Variants in APOL1 observed in about 807,000 individuals in gnomAD.
APOL1 encodes apolipoprotein L 1.
A neutral mutation model predicts 14.9 loss-of-function variants in APOL1; 17 were observed. The observed-to-expected ratio is 1.14, with a 90% CI of 0.78 to 1.71. The LOEUF (loss-of-function observed/expected upper bound fraction) is 1.71. Among genes scored for constraint, APOL1 ranks in the 40% most tolerant of loss-of-function variants. The pLI, the probability that APOL1 is intolerant of heterozygous loss-of-function variation, is 0.00. For missense variants in APOL1, 523 were observed against 485.9 expected (o/e 1.08, Z -0.72); for synonymous variants, 195 against 184.8 (o/e 1.05, Z -0.45).
At chr22:36,255,122 G>T in intron 2 of APOL1, 123 bp downstream of exon 2, 1 of 1,202,860 alleles carries the variant, frequency 8.3e-7, no homozygotes, top group Non-Finnish European at 1.2e-6. Flanking sequence ...GTCACTTCCC[G>T]GAATTGACCA....
At position 36,257,366 on chromosome 22, in the gene APOL1, G is replaced by GT. The variant is rs769895792; in HGVS notation, c.147dup (p.Lys50Ter). On this transcript the variant is annotated frameshift_variant, in exon 4 of 6. Transcript: ENST00000397278. LOFTEE classifies it high-confidence loss of function. ...GGGACAGATACTGGAGATCCTCAAA[G>GT]TAAGCCCCTCGGTGACTGGGCTGCT... 3.7e-6 allele frequency: 6 copies of GT among 1,614,212 alleles called. No homozygotes were observed. The African/African-American group carries it at 8.0e-5, about 22-fold the overall frequency.
intron 4 of APOL1, among the ~76,000 whole-genome samples, 159 bp from the exon 5 acceptor site, chr22:36,261,437 T>C (rs1232243380): frequency 6.6e-6 from 1 of 152,144 alleles, no homozygotes; most frequent in African/African-American, 2.4e-5. Flanking sequence ...CATATGAATT[T>C]TGGGGGCACA....
intron 2 of APOL1, 38 bp from the exon 3 acceptor site, chr22:36,257,045 G>A: frequency 6.2e-7 from 1 of 1,610,702 alleles, no homozygotes; most frequent in Non-Finnish European, 8.5e-7. Context: ...TCAGATGGCT[G>A]CCCGTCCTCT....
At chr22:36,254,904 C>A (rs746798061) in intron 1 of APOL1, 33 bp from the exon 2 acceptor site, 3 of 1,612,968 alleles carry the variant, frequency 1.9e-6, no homozygotes, top group South Asian at 1.1e-5. Flanking sequence ...TCAGGAGGAG[C>A]ACACTGTCTC....
Position 36,265,486 on chromosome 22 carries a change from C to G in APOL1, c.650C>G (p.Thr217Arg). ...LLEPGMELGITAALTGITSST... is the reference protein window; with the variant it reads ...LLEPGMELGIRAALTGITSST... ...GAACCTGGGATGGAGTTGGGAATCA[C>G]AGCCGCTTTGACCGGGATTACCAGC... The change falls in exon 6 of 6, where the codon ACA (threonine) becomes AGA (arginine). Residue 217 changes from threonine (T) to arginine (R), a missense_variant. Thr to Arg is a moderately conservative substitution (Grantham distance 71). Coordinates refer to ENST00000397278, the MANE Select transcript of APOL1 (RefSeq NM_003661.4). The G allele has an allele frequency of 1.9e-6, 3 of 1,614,086 alleles. No homozygotes were observed. Among genetic ancestry groups the G allele is most frequent in the Non-Finnish European group, 2.5e-6 (3 of 1,179,990 alleles).
chr22:36,259,828 A>T, intron 4 of APOL1: 2 of 1,304,304 alleles, frequency 1.5e-6, no homozygotes, highest in Non-Finnish European at 2.0e-6. Flanking sequence ...AGAGTGCCCA[A>T]GACCAGCAGG....
At chr22:36,257,207 G>A (rs2015911818) in intron 3 of APOL1, 71 bp downstream of exon 3, 2 of 1,610,090 alleles carry the variant, frequency 1.2e-6, no homozygotes, top group Middle Eastern at 1.7e-4. Flanking sequence ...GTTGGTCTTG[G>A]TGTTTGCTTC....
chr22:36,260,018 T>C, intron 4 of APOL1: 2 of 1,031,788 alleles, frequency 1.9e-6, no homozygotes, highest in Non-Finnish European at 2.5e-6. Flanking sequence ...AACATTGGCC[T>C]TGGAGTCAAA....
chr22:36,266,737 C>A lies in APOL1; in HGVS notation c.*704C>A, dbSNP rs1320867699. On this transcript the variant is annotated 3_prime_UTR_variant, in exon 6 of 6. Transcript: ENST00000397278. ...TGGCTAACACAGTGAAACCCCGTCT[C>A]TACTAAAAATACAAAAAATTAGCCG... The A allele has an allele frequency of 3.0e-6, 1 of 334,028 alleles. No individual in the cohort carries two copies. The highest frequency in any genetic ancestry group is 1.5e-4 in the South Asian group (1 of 6,460). The allele number at this position is 334,028 out of a possible 1,614,324, so 20.7% of individuals were successfully genotyped here.
intron 2 of APOL1, among the ~76,000 whole-genome samples, chr22:36,255,555 C>T (rs539340951): frequency 7.4e-5 from 11 of 149,450 alleles, no homozygotes; most frequent in African/African-American, 2.8e-4. Context: ...ACCCTTGCTG[C>T]ATGGAGTCCC....
intron 2 of APOL1, among the ~76,000 whole-genome samples, chr22:36,255,664 C>T (rs1397000431): frequency 6.7e-6 from 1 of 149,926 alleles, no homozygotes; most frequent in Non-Finnish European, 1.5e-5. Context: ...AGTATGAGAG[C>T]TGGAGGATGG....
In APOL1 at chr22:36,266,128, G is replaced by A. The variant is rs997375839; in HGVS notation, c.*95G>A. 6 of 1,392,406 alleles carry A rather than the reference G, an allele frequency of 4.3e-6. No homozygotes were observed. The African/African-American group carries it at 5.8e-5, about 14-fold the overall frequency. 86.3% of individuals were successfully genotyped at this position (1,392,406 alleles called of 1,614,324 possible). A position where few individuals can be genotyped will look rare whatever the true frequency, so the allele number is the denominator to read the frequency against. ...TTTTTCTGAGACAGAGTCTTGCTCT[G>A]TCGCCAAGTTGGAGTGCAATGGTGC... On this transcript the variant is annotated 3_prime_UTR_variant, in exon 6 of 6. Transcript: ENST00000397278.
intron 4 of APOL1, among the ~76,000 whole-genome samples, chr22:36,257,798 C>T (rs960274558): frequency 2.6e-5 from 4 of 152,106 alleles, no homozygotes; most frequent in Non-Finnish European, 4.4e-5. Flanking sequence ...CGCTCTGCTC[C>T]AAGCTGACCC....
intron 1 of APOL1, 101 bp from the exon 2 acceptor site, chr22:36,254,836 C>G (rs990247534): frequency 1.1e-5 from 17 of 1,495,634 alleles, no homozygotes; most frequent in Non-Finnish European, 1.3e-5. Flanking sequence ...GCACTCCAGC[C>G]TGGGTGATAG....
In APOL1 at chr22:36,261,584, C is replaced by T. The variant is rs1005971808; in HGVS notation, c.188-12C>T. The T allele has an allele frequency of 9.9e-6, 16 of 1,611,704 alleles. No individual in the cohort carries two copies. Among genetic ancestry groups the T allele is most frequent in the Non-Finnish European group, 1.4e-5 (16 of 1,178,130 alleles). On this transcript the variant is annotated splice_polypyrimidine_tract_variant and intron_variant, in intron 4 of 5. Coordinates refer to ENST00000397278, the MANE Select transcript of APOL1 (RefSeq NM_003661.4). Reference sequence around the variant, plus strand: ...CTTTCCTCCAACCTTATCCTTTCTTCTTTCCAACTAGAGAGCAGTATCTTT... The same window carrying T: ...CTTTCCTCCAACCTTATCCTTTCTTTTTTCCAACTAGAGAGCAGTATCTTT...
rs551546959 is a variant in APOL1, at chr22:36,266,733, G to C, written c.*700G>C. 3.0e-6 allele frequency: 1 copy of C among 334,846 alleles called. No homozygotes were observed. Among genetic ancestry groups the C allele is most frequent in the African/African-American group, 2.1e-5 (1 of 46,848 alleles). The allele number at this position is 334,846 out of a possible 1,614,324, so 20.7% of individuals were successfully genotyped here. On this transcript the variant is annotated 3_prime_UTR_variant, in exon 6 of 6. Transcript: ENST00000397278. ...ATCCTGGCTAACACAGTGAAACCCC[G>C]TCTCTACTAAAAATACAAAAAATTA...
intron 4 of APOL1, chr22:36,260,060 G>A (rs2016029158): frequency 1.4e-6 from 1 of 708,160 alleles, no homozygotes; most frequent in African/African-American, 1.9e-5. Context: ...GTTTTGGGCG[G>A]TGACTCTCGC....
intron 1 of APOL1, chr22:36,253,712 C>T: frequency 1.8e-6 from 1 of 553,922 alleles, no homozygotes; most frequent in East Asian, 2.9e-5. Flanking sequence ...CAACTTGTGC[C>T]AGGCCCTGTG....
Position 36,265,455 on chromosome 22 carries a change from C to T in APOL1, c.619C>T (p.Leu207Phe), listed in dbSNP as rs777642912. 2 of 1,614,114 alleles carry T rather than the reference C, an allele frequency of 1.2e-6. No individual in the cohort carries two copies. Among genetic ancestry groups the T allele is most frequent in the Non-Finnish European group, 1.7e-6 (2 of 1,180,018 alleles). Reference protein sequence around the residue: ...APFTEGGSLVLLEPGMELGIT... With the variant: ...APFTEGGSLVFLEPGMELGIT... Reference sequence around the variant, plus strand: ...CTTCACAGAGGGAGGCAGCCTTGTACTCTTGGAACCTGGGATGGAGTTGGG... The same window carrying T: ...CTTCACAGAGGGAGGCAGCCTTGTATTCTTGGAACCTGGGATGGAGTTGGG... The change falls in exon 6 of 6, where the codon CTC (leucine) becomes TTC (phenylalanine). Residue 207 changes from leucine to phenylalanine, a missense_variant. By Grantham distance (22) the Leu-to-Phe change is conservative. Coordinates refer to ENST00000397278, the MANE Select transcript of APOL1 (RefSeq NM_003661.4).
Sources: gnomAD v4.1 joint callset for allele counts (sites outside exome capture counted in the v4.1 genomes callset) on GRCh38, gnomAD v4.1.1 for gene constraint, MANE v1.5 for transcripts, NCBI Gene and HGNC (gene_info 2026-07-23, HGNC 2026-07-21) for gene names.